The following TMEM135 variants were observed in gnomAD, a reference collection of about 807,000 sequenced individuals.
The protein encoded by TMEM135 is transmembrane protein 135, also known as peroxisomal membrane protein 52.
A neutral mutation model predicts 60.3 loss-of-function variants in TMEM135; 30 were observed. The ratio of observed to expected loss-of-function variants is 0.50; its 90% CI spans 0.37 to 0.68. The LOEUF (loss-of-function observed/expected upper bound fraction) is 0.68. Among genes scored for constraint, TMEM135 ranks in the 30% least tolerant of loss-of-function variants. The pLI is 0.00. For missense variants in TMEM135, 468 were observed against 548.8 expected (o/e 0.85, Z 1.47); for synonymous variants, 190 against 186.7 (o/e 1.02, Z -0.14).
At chr11:87,056,482 C>G (rs1949895641) in intron 1 of TMEM135, among the ~76,000 whole-genome samples, 1 of 152,102 alleles carries the variant, frequency 6.6e-6, no homozygotes. Context: ...GATTAGATTT[C>G]CTTTCTGGTT....
intron 4 of TMEM135, among the ~76,000 whole-genome samples, chr11:87,113,570 A>T (rs908420575): frequency 3.3e-5 from 5 of 152,124 alleles, no homozygotes; most frequent in African/African-American, 1.2e-4. Context: ...GCAACCTGGT[A>T]AACATGAAGA....
rs749824103 is a variant in TMEM135 at position 87,091,414 on chromosome 11, C to T, written c.396+19C>T. The T allele has an allele frequency of 1.2e-6, 2 of 1,609,812 alleles. No homozygotes were observed. The highest frequency in any genetic ancestry group is 1.7e-6 in the Non-Finnish European group (2 of 1,177,034). The stretch of plus-strand genomic sequence containing the variant: ...CAACTTGGTAAGTATTTTGTTTTAA[C>T]CTTTGATGTCTTCCCATAAGCTATA... On this transcript the variant is annotated intron_variant, in intron 4 of 14. Transcript: ENST00000305494.
intron 5 of TMEM135, among the ~76,000 whole-genome samples, chr11:87,220,326 C>T (rs1439336424): frequency 6.6e-6 from 1 of 152,080 alleles, no homozygotes; most frequent in African/African-American, 2.4e-5. Flanking sequence ...CTCATTTTTG[C>T]CAAGTCCTAT....
At chr11:87,103,219 G>GA (rs1189174814) in intron 4 of TMEM135, among the ~76,000 whole-genome samples, 1 of 152,100 alleles carries the variant, frequency 6.6e-6, no homozygotes, top group Non-Finnish European at 1.5e-5. Flanking sequence ...ACTTGTTAGA[G>GA]AAAAATCATA....
intron 5 of TMEM135, among the ~76,000 whole-genome samples, chr11:87,196,885 TTACTTTAAGAATGGA>T (rs1424752991): frequency 2.0e-5 from 3 of 152,172 alleles, no homozygotes; most frequent in African/African-American, 7.2e-5. Flanking sequence ...TGAATTTAAA[TTACTTTAAGAATGGA>T]TACGTATTTT....
rs976416004 is a variant in TMEM135, at chr11:87,319,216, G to A, written c.1177-94G>A. 1.4e-5 allele frequency: 15 copies of A among 1,097,462 alleles called. No homozygotes were observed. In the Admixed American group the frequency reaches 2.6e-4, roughly 19 times the overall value. 68.0% of individuals were successfully genotyped at this position (1,097,462 alleles called of 1,614,324 possible). A position where few individuals can be genotyped will look rare whatever the true frequency, so the allele number is the denominator to read the frequency against. ...GGCATATTTACAAAAATTCTTGATAGTTACCAACTTAAACATCAATACACC... is the reference window on the plus strand; with the variant it reads ...GGCATATTTACAAAAATTCTTGATAATTACCAACTTAAACATCAATACACC... On this transcript the variant is annotated intron_variant, in intron 13 of 14. Coordinates refer to ENST00000305494, the MANE Select transcript of TMEM135 (RefSeq NM_022918.4).
intron 1 of TMEM135, among the ~76,000 whole-genome samples, chr11:87,053,249 A>G (rs994198681): frequency 6.7e-6 from 1 of 150,062 alleles, no homozygotes; most frequent in Non-Finnish European, 1.5e-5. Context: ...CTTGTGAGTT[A>G]TGACTTTGAG....
chr11:87,303,193 C>G (rs1455896432), intron 8 of TMEM135, among the ~76,000 whole-genome samples: 3 of 152,200 alleles, frequency 2.0e-5, no homozygotes, highest in Non-Finnish European at 4.4e-5. Context: ...CGTTTGAACT[C>G]TGCCTCCTGT....
chr11:87,272,713 C>T (rs1004621297), intron 6 of TMEM135, among the ~76,000 whole-genome samples: 1 of 152,158 alleles, frequency 6.6e-6, no homozygotes, highest in Admixed American at 6.6e-5. Context: ...TCTCCTGTTT[C>T]AGCCTCCCAA....
intron 6 of TMEM135, among the ~76,000 whole-genome samples, chr11:87,264,719 T>G (rs1399417033): frequency 6.6e-6 from 1 of 151,932 alleles, no homozygotes; most frequent in Admixed American, 6.6e-5. Context: ...TTAAATTCAG[T>G]CTTCCAGATC....
In TMEM135 at chr11:87,319,410, A is replaced by ATTTTGGAAATAGTCATAT. The variant is rs779782831; in HGVS notation, c.1244+34_1244+35insTTTGGAAATAGTCATATT. 9 of 1,475,948 alleles carry ATTTTGGAAATAGTCATAT rather than the reference A, an allele frequency of 6.1e-6. No homozygotes were observed. The African/African-American group carries it at 9.9e-5, about 16-fold the overall frequency. The allele number at this position is 1,475,948 out of a possible 1,614,324, so 91.4% of individuals were successfully genotyped here. ...ACTACGTAGTTTTCTTAAAAATATT[A>ATTTTGGAAATAGTCATAT]TGAGTGGTTTTATCTTTTTGAGGGA... On this transcript the variant is annotated intron_variant, in intron 14 of 14. Coordinates refer to ENST00000305494, the MANE Select transcript of TMEM135 (RefSeq NM_022918.4).
intron 4 of TMEM135, among the ~76,000 whole-genome samples, chr11:87,104,523 G>A (rs1163360606): frequency 6.6e-6 from 1 of 152,084 alleles, no homozygotes; most frequent in Non-Finnish European, 1.5e-5. Flanking sequence ...ATTGCTTTGG[G>A]CAGTATGAAC....
At position 87,161,986 on chromosome 11, in the gene TMEM135, T is replaced by C. The variant is rs139259840; in HGVS notation, c.462+4580T>C. ...GGTATCTCTAGCCTTGGGGAGCTTA[T>C]AATCTAGCCTATTAATAGCTCATGT... On this transcript the variant is annotated intron_variant, in intron 5 of 14. Transcript: ENST00000305494. Among the ~76,000 whole-genome samples the C allele has an allele frequency of 4.9e-4, 74 of 152,278 alleles. No individual in the cohort carries two copies. The East Asian group carries it at 0.013, about 26-fold the overall frequency.
At chr11:87,239,475 ATATTT>A (rs1245739861) in intron 6 of TMEM135, among the ~76,000 whole-genome samples, 2 of 152,044 alleles carry the variant, frequency 1.3e-5, no homozygotes, top group Non-Finnish European at 2.9e-5. Context: ...TTGCATTTGA[ATATTT>A]TATTTTAAAA....
intron 4 of TMEM135, among the ~76,000 whole-genome samples, chr11:87,124,680 G>A (rs597406): frequency 0.48 from 72,320 of 151,844 alleles, 17,515 homozygotes; most frequent in East Asian, 0.67. Context: ...ATCTGAATTT[G>A]GAAATCTTTC....
chr11:87,261,457 C>A (rs962641163), intron 6 of TMEM135, among the ~76,000 whole-genome samples: 1 of 151,980 alleles, frequency 6.6e-6, no homozygotes, highest in Non-Finnish European at 1.5e-5. Flanking sequence ...TAGAAGTCTC[C>A]GTTTCTTTTT....
rs1183697566 is a variant in TMEM135 at position 87,326,358 on chromosome 11, C to A, written c.*5025C>A. ...CCCTGCATTACTACTTTCCTCCATC[C>A]CTGAACTAGGACCAGTTAATTTTCG... is the stretch of plus-strand genomic sequence containing the variant. On this transcript the variant is annotated 3_prime_UTR_variant, in exon 15 of 15. Coordinates refer to ENST00000305494, the MANE Select transcript of TMEM135 (RefSeq NM_022918.4). 2.2e-6 allele frequency: 1 copy of A among 454,072 alleles called. No homozygotes were observed. The highest frequency in any genetic ancestry group is 2.3e-5 in the Admixed American group (1 of 42,558). 28.1% of individuals were successfully genotyped at this position (454,072 alleles called of 1,614,324 possible).
chr11:87,228,218 T>C (rs1049768400), intron 5 of TMEM135, among the ~76,000 whole-genome samples: 40 of 152,122 alleles, frequency 2.6e-4, no homozygotes, highest in African/African-American at 8.0e-4. Context: ...AGGTAGTTAT[T>C]TTCCCCTAGT....
In TMEM135 at chr11:87,309,573, G is replaced by A. The variant is rs777270459; in HGVS notation, c.837G>A (p.Arg279=). ...QCCLRIPSAF[R]HLFTQPSRLL... ...GCCTCCGAATCCCTTCTGCATTTAG[G>A]CATCTGTTTACACAGCCATCTCGGC... Residue 279 remains arginine, a synonymous_variant, in exon 10 of 15, where the codon AGG becomes AGA. Transcript: ENST00000305494. 1.9e-6 allele frequency: 3 copies of A among 1,613,820 alleles called. No individual in the cohort carries two copies. The highest frequency in any genetic ancestry group is 2.2e-5 in the South Asian group (2 of 91,074).
Sources: allele counts gnomAD v4.1 joint callset (sites outside exome capture counted in the v4.1 genomes callset), GRCh38; gene constraint gnomAD v4.1.1; transcripts MANE v1.5; gene names NCBI Gene and HGNC (gene_info 2026-07-23, HGNC 2026-07-21).